The following PPM1E variants were observed in gnomAD, a reference collection of about 807,000 sequenced individuals.
PPM1E encodes protein phosphatase 1E.
Under a neutral mutation model 65.9 loss-of-function variants are expected in PPM1E, and 20 were observed. The observed-to-expected ratio is 0.30, with a 90% CI of 0.21 to 0.44. The LOEUF (loss-of-function observed/expected upper bound fraction) is 0.44, where lower values mean the gene tolerates loss of function less well. Among genes scored for constraint, PPM1E ranks in the 20% least tolerant of loss-of-function variants. The pLI is 1.00. For synonymous variants in PPM1E, 352 were observed against 374.9 expected (o/e 0.94, Z 0.70); for missense variants, 713 against 953.1 (o/e 0.75, Z 3.32).
intron 1 of PPM1E, among the ~76,000 whole-genome samples, chr17:58,765,731 A>G (rs1256461113): frequency 6.6e-6 from 1 of 152,118 alleles, no homozygotes; most frequent in African/African-American, 2.4e-5. Context: ...AGTATGAAAG[A>G]TAATTTTTTT....
chr17:58,798,525 A>ATTT (rs78922975), intron 1 of PPM1E, among the ~76,000 whole-genome samples: 3 of 89,850 alleles, frequency 3.3e-5, no homozygotes, highest in African/African-American at 8.2e-5. Context: ...ACACGGCCCT[A>ATTT]TTTTTTTTTT....
chr17:58,803,227 TG>T (rs2050274979), intron 1 of PPM1E, among the ~76,000 whole-genome samples: 1 of 152,218 alleles, frequency 6.6e-6, no homozygotes, highest in Non-Finnish European at 1.5e-5. Context: ...ATATATGGCC[TG>T]TATTATACGA....
chr17:58,767,493 C>G (rs2049892560), intron 1 of PPM1E, among the ~76,000 whole-genome samples: 1 of 152,194 alleles, frequency 6.6e-6, no homozygotes, highest in Non-Finnish European at 1.5e-5. Context: ...CTGCCATTTG[C>G]TTAGCTCAGG....
intron 1 of PPM1E, among the ~76,000 whole-genome samples, chr17:58,921,550 C>T (rs1446615062): frequency 6.6e-6 from 1 of 151,264 alleles, no homozygotes; most frequent in Non-Finnish European, 1.5e-5. Context: ...CAAAAAACAA[C>T]ATCTGGGTGC....
At chr17:58,820,679 C>T (rs2050470782) in intron 1 of PPM1E, among the ~76,000 whole-genome samples, 1 of 152,120 alleles carries the variant, frequency 6.6e-6, no homozygotes. Context: ...ACATCAATGA[C>T]TATTATTTCA....
chr17:58,891,707 A>G (rs1419716269), intron 1 of PPM1E, among the ~76,000 whole-genome samples: 1 of 152,138 alleles, frequency 6.6e-6, no homozygotes, highest in East Asian at 1.9e-4. Flanking sequence ...TATACCAGTA[A>G]ATATCTCATG....
intron 1 of PPM1E, among the ~76,000 whole-genome samples, chr17:58,938,342 A>G (rs1598662472): frequency 6.6e-6 from 1 of 152,240 alleles, no homozygotes; most frequent in East Asian, 1.9e-4. Context: ...AACTCCTTAT[A>G]TTTCTGCTCT....
At chr17:58,975,413 G>A (rs1434701384) in intron 6 of PPM1E, among the ~76,000 whole-genome samples, 1 of 152,168 alleles carries the variant, frequency 6.6e-6, no homozygotes, top group Admixed American at 6.5e-5. Flanking sequence ...AAGGAGGGAG[G>A]AATGCCTGAG....
intron 1 of PPM1E, among the ~76,000 whole-genome samples, chr17:58,791,689 A>G (rs2095014768): frequency 6.6e-6 from 1 of 152,204 alleles, no homozygotes; most frequent in Non-Finnish European, 1.5e-5. Flanking sequence ...TTTTCCTGCC[A>G]GAGGTTATAG....
chr17:58,786,075 C>T (rs1333380511), intron 1 of PPM1E, among the ~76,000 whole-genome samples: 2 of 147,968 alleles, frequency 1.4e-5, no homozygotes, highest in African/African-American at 5.0e-5. Flanking sequence ...AGTACAGTGG[C>T]GCAATCCCGG....
chr17:58,980,131 GAAT>G lies in PPM1E; in HGVS notation c.1372_1374del (p.Asn458del). ...AAGTTGTGTCCGACCACCTGAAAGA[GAAT>G]AATGGAGACAGCAGCATGGTTGCCC... is the stretch of plus-strand genomic sequence containing the variant. On this transcript the variant is annotated inframe_deletion, in exon 7 of 7. Transcript: ENST00000308249. This position sits in a 1 kb window ranked among gnomAD's most constrained non-coding sequence, Gnocchi z 4.7. The G allele has an allele frequency of 6.2e-7, 1 of 1,614,148 alleles. No individual in the cohort carries two copies. Among genetic ancestry groups the G allele is most frequent in the Non-Finnish European group, 8.5e-7 (1 of 1,180,024 alleles).
At position 58,816,776 on chromosome 17, in the gene PPM1E, ATATATATATATATATATATTTTTT is replaced by A. The variant is rs1322927687; in HGVS notation, c.464+60317_464+60340del. Among the ~76,000 whole-genome samples the A allele has an allele frequency of 7.4e-3, 84 of 11,334 alleles. 2 individuals are homozygous for A. Among genetic ancestry groups the A allele is most frequent in the African/African-American group, 0.016 (42 of 2,660 alleles). 7.4% of individuals were successfully genotyped at this position (11,334 alleles called of 152,430 possible). ...TATATATATATATATATATATATAT[ATATATATATATATATATATTTTTT>A]TTTTTTTTTTTTTGAGACAGGGTCT... On this transcript the variant is annotated intron_variant, in intron 1 of 6. Coordinates refer to ENST00000308249, the MANE Select transcript of PPM1E (RefSeq NM_014906.5).
intron 1 of PPM1E, among the ~76,000 whole-genome samples, chr17:58,918,334 G>A (rs1306509757): frequency 1.3e-5 from 2 of 151,964 alleles, no homozygotes; most frequent in East Asian, 3.9e-4. Context: ...AATTCCTAAG[G>A]GCATATCGTT....
chr17:58,887,451 G>C (rs1567864744), intron 1 of PPM1E, among the ~76,000 whole-genome samples: 1 of 152,144 alleles, frequency 6.6e-6, no homozygotes, highest in Non-Finnish European at 1.5e-5. Context: ...ACAGGCGTGA[G>C]CCACTGCACC....
intron 1 of PPM1E, among the ~76,000 whole-genome samples, chr17:58,931,760 T>C (rs1321665512): frequency 6.6e-6 from 1 of 152,178 alleles, no homozygotes; most frequent in African/African-American, 2.4e-5. Flanking sequence ...TTACCTGTTA[T>C]TTAGGTAAAA....
chr17:58,827,263 A>G (rs1343521516), intron 1 of PPM1E, among the ~76,000 whole-genome samples: 2 of 142,942 alleles, frequency 1.4e-5, no homozygotes, highest in East Asian at 4.2e-4. Flanking sequence ...GCAGCCTCCC[A>G]AGTAGCTGTG....
At chr17:58,910,534 T>C (rs1266877652) in intron 1 of PPM1E, among the ~76,000 whole-genome samples, 1 of 152,226 alleles carries the variant, frequency 6.6e-6, no homozygotes, top group Non-Finnish European at 1.5e-5. Context: ...TTTTTGCTTT[T>C]AGTATGTCTT....
At chr17:58,864,962 T>C (rs1448298740) in intron 1 of PPM1E, among the ~76,000 whole-genome samples, 1 of 152,094 alleles carries the variant, frequency 6.6e-6, no homozygotes, top group East Asian at 1.9e-4. Context: ...AAAGATAATC[T>C]AGCATGATCT....
intron 1 of PPM1E, among the ~76,000 whole-genome samples, chr17:58,859,223 T>C (rs551133509): frequency 1.3e-5 from 2 of 152,184 alleles, no homozygotes; most frequent in Non-Finnish European, 2.9e-5. Flanking sequence ...CTACATTCTG[T>C]GAGAAGGGGT....
Sources: allele counts gnomAD v4.1 joint callset (sites outside exome capture counted in the v4.1 genomes callset), GRCh38; gene constraint gnomAD v4.1.1; non-coding constraint Gnocchi (gnomAD v3.1); transcripts MANE v1.5; gene names NCBI Gene and HGNC (gene_info 2026-07-23, HGNC 2026-07-21).